The following TBC1D5 variants were observed in gnomAD, a reference collection of about 807,000 sequenced individuals.
TBC1D5 encodes TBC1 domain family member 5, also known as TBC1 domain family, member 5.
In TBC1D5, 75 loss-of-function variants were observed where a neutral mutation model predicts 100.3. The ratio of observed to expected loss-of-function variants is 0.75; its 90% CI spans 0.62 to 0.91. The LOEUF is 0.91. TBC1D5 is among the 40% of genes least tolerant of loss of function. TBC1D5 has a pLI of 0.00. For missense variants in TBC1D5, 910 were observed against 942.4 expected, an observed-to-expected ratio of 0.97 and a Z score of 0.45; for synonymous variants, 323 against 325.6, an observed-to-expected ratio of 0.99 and a Z score of 0.09.
chr3:17,242,519 C>T (rs2076386424), intron 16 of TBC1D5, among the ~76,000 whole-genome samples: 2 of 151,874 alleles, frequency 1.3e-5, no homozygotes, highest in Non-Finnish European at 2.9e-5. Context: ...AGGTTGAATA[C>T]TTCCGTTCAT....
intron 21 of TBC1D5, among the ~76,000 whole-genome samples, chr3:17,166,406 T>C (rs573011346): frequency 6.4e-4 from 97 of 152,160 alleles, no homozygotes; most frequent in Non-Finnish European, 8.4e-4. Flanking sequence ...TAGACAGTAC[T>C]TCCTAAAGGG....
At chr3:17,273,777 A>C (rs927757045) in intron 15 of TBC1D5, among the ~76,000 whole-genome samples, 8 of 149,644 alleles carry the variant, frequency 5.3e-5, no homozygotes. Context: ...ACTGCACTCT[A>C]GCCTGGATGA....
intron 1 of TBC1D5, among the ~76,000 whole-genome samples, chr3:17,688,635 C>G (rs1160293183): frequency 6.6e-6 from 1 of 152,194 alleles, no homozygotes; most frequent in African/African-American, 2.4e-5. Context: ...AAGCCAACTT[C>G]TCTGTGCCCA....
chr3:17,507,939 T>G (rs1646020785), intron 3 of TBC1D5, among the ~76,000 whole-genome samples: 1 of 152,136 alleles, frequency 6.6e-6, no homozygotes, highest in South Asian at 2.1e-4. Context: ...CTGAATACGG[T>G]CTACATTTTA....
chr3:17,429,691 A>C (rs1224588947), intron 3 of TBC1D5, among the ~76,000 whole-genome samples: 1 of 151,962 alleles, frequency 6.6e-6, no homozygotes, highest in Non-Finnish European at 1.5e-5. Context: ...ATACTTATAT[A>C]ATTATGCTAC....
chr3:17,263,366 C>CAA (rs71049192), intron 15 of TBC1D5, among the ~76,000 whole-genome samples: 20 of 80,906 alleles, frequency 2.5e-4, no homozygotes, highest in East Asian at 4.4e-4. Context: ...ACCCTGTCTC[C>CAA]AAAAAAAAAA....
intron 3 of TBC1D5, among the ~76,000 whole-genome samples, chr3:17,486,774 C>A (rs959669021): frequency 6.6e-6 from 1 of 152,134 alleles, no homozygotes; most frequent in African/African-American, 2.4e-5. Context: ...AGTAAAGTGG[C>A]AGCTTATATT....
chr3:17,560,293 A>T (rs1027735415), intron 2 of TBC1D5, among the ~76,000 whole-genome samples: 1 of 152,206 alleles, frequency 6.6e-6, no homozygotes, highest in Non-Finnish European at 1.5e-5. Context: ...AAAGGGCTGG[A>T]GGGAAAACCT....
At chr3:17,475,472 T>C (rs1200549722) in intron 3 of TBC1D5, among the ~76,000 whole-genome samples, 2 of 152,106 alleles carry the variant, frequency 1.3e-5, no homozygotes, top group Non-Finnish European at 2.9e-5. Flanking sequence ...TGTTATCACC[T>C]CTCTAGTCAG....
intron 13 of TBC1D5, among the ~76,000 whole-genome samples, chr3:17,341,447 C>T (rs1223021270): frequency 2.0e-5 from 3 of 152,154 alleles, no homozygotes; most frequent in Non-Finnish European, 2.9e-5. Context: ...CCACCCACCT[C>T]GGCCTCCCAA....
chr3:17,272,717 G>C (rs1037470459), intron 15 of TBC1D5, among the ~76,000 whole-genome samples: 1 of 152,068 alleles, frequency 6.6e-6, no homozygotes, highest in Admixed American at 6.5e-5. Context: ...ATACCATAAG[G>C]GTTCATGAAA....
chr3:17,360,409 A>G (rs892002053), intron 13 of TBC1D5, among the ~76,000 whole-genome samples: 4 of 152,004 alleles, frequency 2.6e-5, no homozygotes, highest in African/African-American at 9.7e-5. Context: ...GGGATTGGCA[A>G]AGGGTTGTGT....
intron 1 of TBC1D5, among the ~76,000 whole-genome samples, chr3:17,738,545 A>T (rs1177286817): frequency 1.3e-5 from 2 of 152,248 alleles, no homozygotes; most frequent in Admixed American, 1.3e-4. Context: ...TAAAAATATT[A>T]AAATTATTAT....
chr3:17,386,125 A>G (rs2093142792), intron 8 of TBC1D5, among the ~76,000 whole-genome samples: 1 of 152,096 alleles, frequency 6.6e-6, no homozygotes, highest in Non-Finnish European at 1.5e-5. Flanking sequence ...TAAGCTACGA[A>G]TAGAATAATA....
At chr3:17,583,407 T>C (rs1480462416) in intron 2 of TBC1D5, among the ~76,000 whole-genome samples, 1 of 151,006 alleles carries the variant, frequency 6.6e-6, no homozygotes, top group Admixed American at 6.6e-5. Context: ...AAATGGAAAA[T>C]AGTAAGTGTT....
chr3:17,732,720 A>AAAAAAAATAAATAAATAAATAAATAAAT (rs142854083), intron 1 of TBC1D5, among the ~76,000 whole-genome samples: 1 of 144,812 alleles, frequency 6.9e-6, no homozygotes, highest in Admixed American at 6.9e-5. Flanking sequence ...CCGTCTCAAA[A>AAAAAAAATAAATAAATAAATAAATAAAT]AAATAAATAA....
chr3:17,165,552 T>C (rs963327467), intron 21 of TBC1D5, among the ~76,000 whole-genome samples: 2 of 152,220 alleles, frequency 1.3e-5, no homozygotes, highest in African/African-American at 4.8e-5. Flanking sequence ...GAACATTTCA[T>C]ATGGCTTCAA....
intron 1 of TBC1D5, among the ~76,000 whole-genome samples, chr3:17,650,777 T>G (rs922344040): frequency 1.3e-5 from 2 of 152,188 alleles, no homozygotes; most frequent in Admixed American, 6.5e-5. Context: ...TTCTAAAATC[T>G]TAGCTGGTAA....
At chr3:17,196,448 G>C (rs573228813) in intron 18 of TBC1D5, among the ~76,000 whole-genome samples, 1 of 152,322 alleles carries the variant, frequency 6.6e-6, no homozygotes, top group South Asian at 2.1e-4. Context: ...TGGTTTAAGG[G>C]AAGTGAAACA....
Sources: allele counts gnomAD v4.1 joint callset (sites outside exome capture counted in the v4.1 genomes callset), GRCh38; gene constraint gnomAD v4.1.1; transcripts MANE v1.5; gene names NCBI Gene and HGNC (gene_info 2026-07-23, HGNC 2026-07-21).